The following ZNF726 variants were observed in gnomAD, a reference collection of about 807,000 sequenced individuals.
ZNF726 encodes zinc finger protein 726, also known as zinc finger protein 92 pseudogene 3.
A neutral mutation model predicts 11.6 loss-of-function variants in ZNF726; 15 were observed. The ratio of observed to expected loss-of-function variants is 1.29; its 90% CI spans 0.86 to 1.99. ZNF726 has a LOEUF of 1.99. ZNF726 is among the 30% of genes most tolerant of loss of function. The pLI, the probability that ZNF726 is intolerant of heterozygous loss-of-function variation, is 0.00. For synonymous variants in ZNF726, 295 were observed against 243.6 expected (o/e 1.21, Z -1.96); for missense variants, 890 against 725.6 (o/e 1.23, Z -2.60).
At chr19:23,937,198 ACCTC>A (rs1187639001), downstream of ZNF726, among the ~76,000 whole-genome samples, 5 of 112,020 alleles carry the variant, frequency 4.5e-5, no homozygotes, top group African/African-American at 1.8e-4. Context: ...TGACCCCTCC[ACCTC>A]CCTCCCGGAC....
At chr19:23,925,285 A>G (rs1261943535) in intron 3 of ZNF726, among the ~76,000 whole-genome samples, 5 of 152,162 alleles carry the variant, frequency 3.3e-5, no homozygotes, top group African/African-American at 9.7e-5. Context: ...AATAATTTAT[A>G]TTATTTGAAG....
rs114302824 is a variant in ZNF726 at position 23,918,335 on chromosome 19, G to A, written c.4-1038G>A. 4.0e-3 allele frequency among the ~76,000 whole-genome samples: 616 copies of A among 152,220 alleles called. 3 individuals are homozygous for A. Among genetic ancestry groups the A allele is most frequent in the African/African-American group, 0.014 (575 of 41,536 alleles). On this transcript the variant is annotated intron_variant, in intron 1 of 3. Coordinates refer to ENST00000594466, the MANE Select transcript of ZNF726 (RefSeq NM_001244038.2). Reference sequence around the variant, plus strand: ...CTATGCATTACACGATTAAGAAAAGGCTCATTTAAACAGGATGGCATTTAT... The same window carrying A: ...CTATGCATTACACGATTAAGAAAAGACTCATTTAAACAGGATGGCATTTAT...
intron 3 of ZNF726, among the ~76,000 whole-genome samples, chr19:23,941,633 C>G (rs1219656061): frequency 6.6e-6 from 1 of 151,980 alleles, no homozygotes; most frequent in Admixed American, 6.6e-5. Flanking sequence ...TTTTAAATTA[C>G]CATTTTAATT....
downstream of ZNF726, among the ~76,000 whole-genome samples, chr19:23,938,510 G>A (rs749060203): frequency 3.5e-4 from 53 of 151,802 alleles, no homozygotes; most frequent in Non-Finnish European, 3.8e-4. Flanking sequence ...TTATGCTTCA[G>A]AATCTCCCCA....
chr19:23,920,676 G>C (rs998424442), intron 3 of ZNF726: 3 of 152,332 alleles, frequency 2.0e-5, no homozygotes, highest in Admixed American at 1.3e-4. Flanking sequence ...GACTCCCAAA[G>C]TGCTGGGATT....
chr19:23,930,779 T>C (rs1429840687), intron 3 of ZNF726, among the ~76,000 whole-genome samples: 1 of 152,200 alleles, frequency 6.6e-6, no homozygotes, highest in Non-Finnish European at 1.5e-5. Flanking sequence ...AAAACAATCA[T>C]AATTATTTAT....
chr19:23,933,804 AACCTT>A lies in ZNF726; in HGVS notation c.1691_1695del (p.Pro564GlnfsTer3), dbSNP rs757132789. The A allele has an allele frequency of 1.2e-5, 20 of 1,607,056 alleles. No individual in the cohort carries two copies. The highest frequency in any genetic ancestry group is 1.5e-5 in the Non-Finnish European group (18 of 1,177,212). On this transcript the variant is annotated frameshift_variant, in exon 4 of 4. Coordinates refer to ENST00000594466, the MANE Select transcript of ZNF726 (RefSeq NM_001244038.2). LOFTEE classifies it low-confidence loss of function (END_TRUNC). ...CATAAGATAATTCATACTGGAGAGA[AACCTT>A]ACAAGTGTGAAGAATGTGGAAAAGC...
At chr19:23,922,727 A>T (rs1053845700) in intron 3 of ZNF726, among the ~76,000 whole-genome samples, 8 of 152,146 alleles carry the variant, frequency 5.3e-5, no homozygotes, top group Non-Finnish European at 8.8e-5. Context: ...AAAGGCATTT[A>T]TTTTTGAGAT....
intron 4 of ZNF726, chr19:23,943,773 G>A (rs1968375352): frequency 2.4e-6 from 1 of 412,848 alleles, no homozygotes; most frequent in Non-Finnish European, 4.4e-6. Context: ...TTATTTCTAA[G>A]GACTCTACTT....
At chr19:23,928,320 G>A (rs552163773) in intron 3 of ZNF726, 3 of 152,248 alleles carry the variant, frequency 2.0e-5, no homozygotes, top group African/African-American at 7.2e-5. Flanking sequence ...AATTGATACA[G>A]TCTATAATGT....
At chr19:23,938,345 C>T (rs991783612), downstream of ZNF726, among the ~76,000 whole-genome samples, 6 of 151,914 alleles carry the variant, frequency 3.9e-5, no homozygotes, top group Non-Finnish European at 1.5e-5. Flanking sequence ...AAGTTTGAAA[C>T]TATTTTTAGC....
chr19:23,928,664 G>A (rs915630185), intron 3 of ZNF726: 1 of 152,092 alleles, frequency 6.6e-6, no homozygotes, highest in Admixed American at 6.5e-5. Context: ...TAAAATACAG[G>A]TTTTTGCACT....
In ZNF726 at chr19:23,943,552, G is replaced by A; in HGVS notation, c.285G>A (p.Trp95Ter). The A allele has an allele frequency of 1.5e-6, 1 of 676,040 alleles. No individual in the cohort carries two copies. Among genetic ancestry groups the A allele is most frequent in the Non-Finnish European group, 2.7e-6 (1 of 366,382 alleles). The allele number at this position is 676,040 out of a possible 1,614,324, so 41.9% of individuals were successfully genotyped here. ...GCCTTGAGCAAATAAAAGAGCCCTG[G>A]AATGTGAAGAGACATGAGACAGTAG... Residue 95 changes from tryptophan (W) to a stop codon, truncating the protein, a stop_gained, in exon 4 of 5, where the codon TGG (tryptophan) becomes TGA (stop). Transcript: ENST00000334589. LOFTEE classifies it low-confidence loss of function (END_TRUNC).
rs146338668 is a variant in ZNF726 at position 23,943,392 on chromosome 19, A to T, written c.227-102A>T. On this transcript the variant is annotated intron_variant, in intron 3 of 4. Transcript: ENST00000334589. Reference sequence around the variant, plus strand: ...TATCAGAAAACAGTATTTTGAAATTAAATATGTAGAAGCTTTCATAATATT... The same window carrying T: ...TATCAGAAAACAGTATTTTGAAATTTAATATGTAGAAGCTTTCATAATATT... The T allele has an allele frequency of 1.1e-3, 482 of 426,294 alleles. 3 individuals are homozygous for T. Among genetic ancestry groups the T allele is most frequent in the African/African-American group, 9.0e-3 (452 of 50,398 alleles). 26.4% of individuals were successfully genotyped at this position (426,294 alleles called of 1,614,324 possible).
chr19:23,943,505 T>C (rs1254903303), exon 4 of ZNF726: 10 of 653,758 alleles, frequency 1.5e-5, no homozygotes, highest in Admixed American at 6.1e-5. Context: ...CCTTGCTGTC[T>C]CTAACCCTGA....
chr19:23,932,832 A>C lies in ZNF726; in HGVS notation c.716A>C (p.Asn239Thr). Residue 239 changes from asparagine to threonine, a missense_variant, in exon 4 of 4, where the codon AAT becomes ACT. By Grantham distance (65) the Asn-to-Thr change is moderately conservative. Transcript: ENST00000594466. ...TGTGAAGAATATGGCAAAGCTTTTA[A>C]TCAATCCTCAAATTATACTACACAT... ...YKCEEYGKAF[N>T]QSSNYTTHKV... 2 of 1,606,640 alleles carry C rather than the reference A, an allele frequency of 1.2e-6. No homozygotes were observed. The highest frequency in any genetic ancestry group is 1.7e-6 in the Non-Finnish European group (2 of 1,176,676).
downstream of ZNF726, chr19:23,935,307 T>C: frequency 1.9e-6 from 1 of 515,592 alleles, no homozygotes; most frequent in Non-Finnish European, 3.9e-6. Flanking sequence ...ATGTGAAGAA[T>C]GTGGCAAAGT....
At chr19:23,918,545 C>G (rs1175498359) in intron 1 of ZNF726, among the ~76,000 whole-genome samples, 1 of 152,116 alleles carries the variant, frequency 6.6e-6, no homozygotes, top group African/African-American at 2.4e-5. Flanking sequence ...GGGGGTAATA[C>G]CTCAGTAGTG....
intron 3 of ZNF726, among the ~76,000 whole-genome samples, chr19:23,926,012 G>C (rs901242756): frequency 1.3e-5 from 2 of 151,912 alleles, no homozygotes; most frequent in Non-Finnish European, 2.9e-5. Context: ...ACCACGCCCG[G>C]CTATTGTTTG....
Sources: allele counts gnomAD v4.1 joint callset (sites outside exome capture counted in the v4.1 genomes callset), GRCh38; gene constraint gnomAD v4.1.1; transcripts MANE v1.5; gene names NCBI Gene and HGNC (gene_info 2026-07-23, HGNC 2026-07-21).